SPATA7: variants seen among roughly 807,000 people sequenced by gnomAD.
The protein encoded by SPATA7 is spermatogenesis-associated protein 7.
SPATA7 carries 43 observed loss-of-function variants against 51.8 expected under a neutral mutation model. That is an observed-to-expected ratio of 0.83 (90% CI 0.65 to 1.07). SPATA7 has a LOEUF of 1.07. Among genes scored for constraint, SPATA7 ranks in the 50% least tolerant of loss-of-function variants. The probability of loss-of-function intolerance (pLI) is 0.00; values close to 1 mark genes in which losing one functional copy is unlikely to be tolerated. For missense variants in SPATA7, 683 were observed against 701.3 expected (o/e 0.97, Z 0.30); for synonymous variants, 230 against 252.8 (o/e 0.91, Z 0.86).
chr14:88,441,655 A>G (rs2077179460), downstream of SPATA7, among the ~76,000 whole-genome samples: 1 of 151,950 alleles, frequency 6.6e-6, no homozygotes, highest in South Asian at 2.1e-4. Flanking sequence ...TTCTTTTGAG[A>G]ATTGTCTATT....
Position 88,468,272 on chromosome 14 carries a change from T to C in SPATA7, c.255-1575T>C, listed in dbSNP as rs200555041. The C allele has an allele frequency of 1.8e-5, 28 of 1,590,166 alleles. No individual in the cohort carries two copies. The East Asian group carries it at 4.9e-4, about 28-fold the overall frequency. On this transcript the variant is annotated intron_variant, in intron 4 of 4. Transcript: ENST00000556406. Reference sequence around the variant, plus strand: ...CTCTCGGGATGTCCAGCACCTAGGTTGAGAGAAACGGTAATGAAGATAATG... The same window carrying C: ...CTCTCGGGATGTCCAGCACCTAGGTCGAGAGAAACGGTAATGAAGATAATG...
intron 7 of SPATA7, 67 bp from the exon 8 acceptor site, chr14:88,429,279 CTG>C (rs2076876988): frequency 1.8e-5 from 15 of 814,412 alleles, no homozygotes; most frequent in Non-Finnish European, 2.8e-5. Flanking sequence ...TTAAAATTTG[CTG>C]TGTTATATTC....
At chr14:88,468,182 C>T (rs748792833) in intron 4 of SPATA7, 1 of 1,613,522 alleles carries the variant, frequency 6.2e-7, no homozygotes, top group Non-Finnish European at 8.5e-7. Context: ...GGACTCTGTA[C>T]ACAAATGTGT....
Position 88,429,364 on chromosome 14 carries a change from C to T in SPATA7, c.929C>T (p.Thr310Ile), listed in dbSNP as rs767454994. Residue 310 changes from threonine (T) to isoleucine (I), a missense_variant, in exon 8 of 12, where the codon ACA becomes ATA. Coordinates refer to ENST00000393545, the MANE Select transcript of SPATA7 (RefSeq NM_018418.5). The stretch of plus-strand genomic sequence containing the variant: ...CATCCCCAGGCATCTAATTGTGTGA[C>T]ATATGATGCCAAAGAAAAAATAGCT... ...MNIKQASNCV[T>I]YDAKEKIAPL... The T allele has an allele frequency of 2.6e-5, 41 of 1,605,294 alleles. No homozygotes were observed. The East Asian group carries it at 8.1e-4, about 32-fold the overall frequency.
intron 3 of SPATA7, chr14:88,393,739 G>A (rs913821353): frequency 6.9e-6 from 2 of 291,096 alleles, no homozygotes. Context: ...ATAATATTTT[G>A]TTAGATATTG....
intron 3 of SPATA7, among the ~76,000 whole-genome samples, chr14:88,448,069 T>C (rs2077226490): frequency 1.3e-5 from 2 of 152,094 alleles, no homozygotes; most frequent in African/African-American, 4.8e-5. Flanking sequence ...GGATAATATC[T>C]TGCAGAGTGT....
Position 88,429,530 on chromosome 14 carries a change from G to A in SPATA7, c.1028+67G>A, listed in dbSNP as rs537530830. The A allele has an allele frequency of 9.8e-6, 10 of 1,020,118 alleles. No homozygotes were observed. In the South Asian group the frequency reaches 1.2e-4, roughly 12 times the overall value. 63.2% of individuals were successfully genotyped at this position (1,020,118 alleles called of 1,614,324 possible). On this transcript the variant is annotated intron_variant, in intron 8 of 11. Transcript: ENST00000393545. Reference sequence around the variant, plus strand: ...TGCCTTCTTGTATAACAGACATATAGTATTTGCCGCATAAGTACTATTTAA... The same window carrying A: ...TGCCTTCTTGTATAACAGACATATAATATTTGCCGCATAAGTACTATTTAA...
At position 88,396,172 on chromosome 14, in the gene SPATA7, G is replaced by A. The variant is rs142913613; in HGVS notation, c.207G>A (p.Ser69=). Reference sequence around the variant, plus strand: ...CTCTTTCAGCTGCAGTAGACTGCTCGGTTCCAGTAAGCGTGAGTACCAGCA... The same window carrying A: ...CTCTTTCAGCTGCAGTAGACTGCTCAGTTCCAGTAAGCGTGAGTACCAGCA... ...ILSAKAAVDC[S]VPVSVSTSIK... is the part of the protein sequence containing the mutation. The change falls in exon 4 of 12, where the codon TCG becomes TCA. Residue 69 remains serine, a synonymous_variant. Coordinates refer to ENST00000393545, the MANE Select transcript of SPATA7 (RefSeq NM_018418.5). The A allele has an allele frequency of 4.7e-5, 76 of 1,610,458 alleles. No individual in the cohort carries two copies. The East Asian group carries it at 1.2e-3, about 25-fold the overall frequency.
intron 4 of SPATA7, among the ~76,000 whole-genome samples, chr14:88,403,361 T>C (rs952286478): frequency 1.3e-5 from 2 of 152,200 alleles, no homozygotes; most frequent in Non-Finnish European, 2.9e-5. Flanking sequence ...CAAGGAGATA[T>C]CTGTTCTCCC....
chr14:88,435,434 C>T (rs531287649), intron 10 of SPATA7, among the ~76,000 whole-genome samples: 19 of 152,202 alleles, frequency 1.2e-4, no homozygotes, highest in African/African-American at 2.9e-4. Context: ...GAGTTACAAA[C>T]GATCAGATTA....
chr14:88,439,994 T>C (rs535237968), downstream of SPATA7, among the ~76,000 whole-genome samples: 8 of 152,226 alleles, frequency 5.3e-5, no homozygotes, highest in South Asian at 6.2e-4. Context: ...TTGGCTCTAT[T>C]CTTGGTCCCC....
intron 3 of SPATA7, 35 bp from the exon 4 acceptor site, chr14:88,396,117 TACTG>T (rs757341191): frequency 6.6e-7 from 1 of 1,518,982 alleles, no homozygotes; most frequent in South Asian, 1.1e-5. Context: ...CATTTATAAA[TACTG>T]ACAATATTAT....
chr14:88,408,037 A>G (rs931529054), intron 4 of SPATA7, among the ~76,000 whole-genome samples: 9 of 152,180 alleles, frequency 5.9e-5, no homozygotes, highest in Non-Finnish European at 1.2e-4. Context: ...GAAGTCAGGT[A>G]GTGTGATGCC....
At chr14:88,470,098 A>G (rs377274479) in exon 5 of SPATA7, 127 of 1,574,234 alleles carry the variant, frequency 8.1e-5, no homozygotes, top group Middle Eastern at 3.4e-4. Flanking sequence ...TATAATATAC[A>G]TAGGTATGTA....
chr14:88,402,899 C>G (rs2076099992), intron 4 of SPATA7, among the ~76,000 whole-genome samples: 1 of 134,966 alleles, frequency 7.4e-6, no homozygotes, highest in Non-Finnish European at 1.5e-5. Flanking sequence ...TATTTGCAAA[C>G]CATGTATCTG....
rs2076129971 is a variant in SPATA7 at position 88,403,672 on chromosome 14, C to T, written c.238+7469C>T. On this transcript the variant is annotated intron_variant, in intron 4 of 11. Coordinates refer to ENST00000393545, the MANE Select transcript of SPATA7 (RefSeq NM_018418.5). ...ACTTGCCTGTGTCTGGATTATTAAA[C>T]ATGTGTATGTGCAATCTAAAGTGGG... is the stretch of plus-strand genomic sequence containing the variant. 4.6e-5 allele frequency among the ~76,000 whole-genome samples: 7 copies of T among 152,160 alleles called. No homozygotes were observed. The South Asian group carries it at 1.5e-3, about 32-fold the overall frequency.
At chr14:88,447,570 T>C (rs2077222920) in intron 3 of SPATA7, among the ~76,000 whole-genome samples, 1 of 152,218 alleles carries the variant, frequency 6.6e-6, no homozygotes, top group African/African-American at 2.4e-5. Flanking sequence ...ATGTAGTTTC[T>C]TCGTAGTCTC....
chr14:88,393,547 CATTAAAATATATCT>C, intron 3 of SPATA7, 59 bp downstream of exon 3: 1 of 1,208,650 alleles, frequency 8.3e-7, no homozygotes, highest in Non-Finnish European at 1.2e-6. Flanking sequence ...CTTCACTTCT[CATTAAAATATATCT>C]ATAGCAAAAA....
chr14:88,424,153 C>T (rs760467893), intron 5 of SPATA7, among the ~76,000 whole-genome samples: 2 of 152,138 alleles, frequency 1.3e-5, no homozygotes, highest in African/African-American at 2.4e-5. Context: ...TTTCTGATTT[C>T]AGAACTTTAC....
Sources: gnomAD v4.1 joint callset for allele counts (sites outside exome capture counted in the v4.1 genomes callset) on GRCh38, gnomAD v4.1.1 for gene constraint, MANE v1.5 for transcripts, NCBI Gene and HGNC (gene_info 2026-07-23, HGNC 2026-07-21) for gene names.